The following NPNT variants were observed in gnomAD, a reference collection of about 807,000 sequenced individuals.
NPNT encodes the protein nephronectin, also known as preosteoblast EGF-like repeat protein with MAM domain.
Under a neutral mutation model 68.6 loss-of-function variants are expected in NPNT, and 45 were observed. The observed-to-expected ratio is 0.66, with a 90% CI of 0.52 to 0.84. NPNT has a LOEUF of 0.84. Among genes scored for constraint, NPNT ranks in the 40% least tolerant of loss-of-function variants. The pLI, the probability that NPNT is intolerant of heterozygous loss-of-function variation, is 0.00. For missense variants in NPNT, 672 were observed against 714.8 expected (o/e 0.94, Z 0.68); for synonymous variants, 233 against 253.3 (o/e 0.92, Z 0.76).
At chr4:105,929,609 A>G (rs1025277522) in intron 3 of NPNT, 2 of 152,198 alleles carry the variant, frequency 1.3e-5, no homozygotes, top group African/African-American at 4.8e-5. Context: ...GCCAATGTTC[A>G]TCTTAGAATC....
intron 2 of NPNT, among the ~76,000 whole-genome samples, chr4:105,924,236 T>A (rs1225829130): frequency 6.6e-6 from 1 of 152,204 alleles, no homozygotes; most frequent in Non-Finnish European, 1.5e-5. Context: ...TAAATTTTCA[T>A]ACCCTCTATG....
chr4:105,896,394 C>T (rs142131878), intron 1 of NPNT, among the ~76,000 whole-genome samples: 234 of 152,240 alleles, frequency 1.5e-3, no homozygotes, highest in African/African-American at 5.2e-3. Flanking sequence ...GTGACAGGTT[C>T]CAACAACCTC....
chr4:105,927,668 A>G (rs1406912055), intron 3 of NPNT: 1 of 223,652 alleles, frequency 4.5e-6, no homozygotes, highest in African/African-American at 2.3e-5. Flanking sequence ...TTTTGAAGAA[A>G]AGAATCCCTG....
At chr4:105,912,621 A>G (rs938006220) in intron 2 of NPNT, 4 of 899,062 alleles carry the variant, frequency 4.4e-6, no homozygotes, top group South Asian at 9.6e-5. Flanking sequence ...GTTGTATTTC[A>G]TATTCATTAA....
Position 105,914,367 on chromosome 4 carries a change from C to CTA in NPNT, c.173-12968_173-12967insAT, listed in dbSNP as rs202153772. 5.8e-3 allele frequency among the ~76,000 whole-genome samples: 779 copies of CTA among 134,458 alleles called. 9 individuals carry two copies. Among genetic ancestry groups the CTA allele is most frequent in the African/African-American group, 0.021 (749 of 35,952 alleles). 88.2% of individuals were successfully genotyped at this position (134,458 alleles called of 152,430 possible). On this transcript the variant is annotated intron_variant, in intron 2 of 11. Transcript: ENST00000379987. The stretch of plus-strand genomic sequence containing the variant: ...CTCTCTCTCCATTCTCTCTCTCTCT[C>CTA]TCTCTCTATATATATAATATATAAA...
At chr4:105,921,152 A>T (rs1414595677) in intron 2 of NPNT, among the ~76,000 whole-genome samples, 1 of 152,102 alleles carries the variant, frequency 6.6e-6, no homozygotes, top group Admixed American at 6.6e-5. Context: ...AATGTTACTT[A>T]AATACTTTTA....
At chr4:105,946,972 C>G (rs1730439160) in intron 8 of NPNT, among the ~76,000 whole-genome samples, 1 of 152,168 alleles carries the variant, frequency 6.6e-6, no homozygotes, top group Non-Finnish European at 1.5e-5. Flanking sequence ...GGGCATATTT[C>G]AGTCATTATC....
intron 8 of NPNT, among the ~76,000 whole-genome samples, chr4:105,954,506 C>T (rs1032293683): frequency 2.6e-5 from 4 of 152,162 alleles, no homozygotes; most frequent in Non-Finnish European, 4.4e-5. Flanking sequence ...GCATGCAAAC[C>T]TGATCTTGGC....
chr4:105,915,905 A>C lies in NPNT; in HGVS notation c.173-11431A>C, dbSNP rs141894505. Among the ~76,000 whole-genome samples the C allele has an allele frequency of 3.4e-3, 520 of 152,232 alleles. 4 individuals carry two copies. The highest frequency in any genetic ancestry group is 0.012 in the African/African-American group (501 of 41,542). On this transcript the variant is annotated intron_variant, in intron 2 of 11. Transcript: ENST00000379987. ...ATTGATTATTGCCACAACTATCTCC[A>C]CGGAGGAACAGCTTTAAACAGTAGA...
At chr4:105,932,757 C>A in intron 3 of NPNT, 1 of 1,182,574 alleles carries the variant, frequency 8.5e-7, no homozygotes, top group Non-Finnish European at 1.2e-6. Flanking sequence ...TGGCTTCCTG[C>A]AGTTATGTCA....
chr4:105,959,706 G>T (rs1415193687), intron 10 of NPNT, among the ~76,000 whole-genome samples: 1 of 151,478 alleles, frequency 6.6e-6, no homozygotes. Context: ...GGAACTCAAA[G>T]GAGTTTTAAA....
chr4:105,917,861 T>G (rs10000995), intron 2 of NPNT, among the ~76,000 whole-genome samples: 4 of 152,132 alleles, frequency 2.6e-5, no homozygotes, highest in Admixed American at 2.6e-4. Context: ...GCAAGGGTCA[T>G]ATCATGAAAT....
At chr4:105,966,042 A>C (rs1035860158) in intron 10 of NPNT, among the ~76,000 whole-genome samples, 17 of 152,214 alleles carry the variant, frequency 1.1e-4, no homozygotes, top group Non-Finnish European at 2.2e-4. Flanking sequence ...TAAAAAGTTA[A>C]TACCAAATTT....
chr4:105,960,517 A>C (rs1731639443), intron 10 of NPNT, among the ~76,000 whole-genome samples: 1 of 152,230 alleles, frequency 6.6e-6, no homozygotes, highest in African/African-American at 2.4e-5. Flanking sequence ...CCTAAGGTTG[A>C]AATAGAGATT....
At chr4:105,913,106 A>G (rs1028792994) in intron 2 of NPNT, among the ~76,000 whole-genome samples, 10 of 152,192 alleles carry the variant, frequency 6.6e-5, no homozygotes, top group Non-Finnish European at 1.3e-4. Flanking sequence ...ACCTCAGGTG[A>G]TCTGCCGGCC....
intron 8 of NPNT, among the ~76,000 whole-genome samples, chr4:105,952,669 A>G (rs1214902189): frequency 6.6e-6 from 1 of 152,188 alleles, no homozygotes; most frequent in Non-Finnish European, 1.5e-5. Context: ...TTTAGTTCAG[A>G]CCCTATTTTA....
At chr4:105,966,305 ACC>A (rs957568086) in intron 10 of NPNT, among the ~76,000 whole-genome samples, 5 of 151,934 alleles carry the variant, frequency 3.3e-5, no homozygotes, top group Non-Finnish European at 5.9e-5. Flanking sequence ...GAGAAGCAGC[ACC>A]CCCCACTTCA....
chr4:105,967,117 C>T, intron 10 of NPNT, 71 bp from the exon 11 acceptor site: 2 of 1,242,916 alleles, frequency 1.6e-6, no homozygotes, highest in Non-Finnish European at 2.3e-6. Context: ...AAAACTAAAA[C>T]TCCTGTCCAT....
At chr4:105,909,311 TG>T in intron 2 of NPNT, among the ~76,000 whole-genome samples, 1 of 152,254 alleles carries the variant, frequency 6.6e-6, no homozygotes, top group Admixed American at 6.5e-5. Context: ...CCTTGTCTCT[TG>T]GGTTGAGTTT....
Sources: allele counts gnomAD v4.1 joint callset (sites outside exome capture counted in the v4.1 genomes callset), GRCh38; gene constraint gnomAD v4.1.1; transcripts MANE v1.5; gene names NCBI Gene and HGNC (gene_info 2026-07-23, HGNC 2026-07-21).